Variants in GTF2E2 observed in about 807,000 individuals in gnomAD.
GTF2E2 encodes the protein transcription initiation factor IIE subunit beta.
A neutral mutation model predicts 40.5 loss-of-function variants in GTF2E2; 21 were observed. That is an observed-to-expected ratio of 0.52 (90% CI 0.37 to 0.75). GTF2E2 has a LOEUF of 0.75. Ranked by LOEUF, GTF2E2 falls within the 30% of genes least tolerant of loss-of-function variation. GTF2E2 has a pLI of 0.00. For missense variants in GTF2E2, 298 were observed against 338.4 expected (o/e 0.88, Z 0.94); for synonymous variants, 117 against 121.6 (o/e 0.96, Z 0.25).
chr8:30,612,450 A>G lies in GTF2E2; in HGVS notation c.398T>C (p.Ile133Thr), dbSNP rs2229299. ...ALVNNPKIEV[I>T]DGKYAFKPKY... ...GGGCTTGAAAGCATACTTCCCATCTATTACTTCAATTTTGGGATTGTTGAC... is the reference window on the plus strand; with the variant it reads ...GGGCTTGAAAGCATACTTCCCATCTGTTACTTCAATTTTGGGATTGTTGAC... Residue 133 changes from isoleucine (I) to threonine (T), a missense_variant, in exon 5 of 8, where the codon ATA (isoleucine) becomes ACA (threonine). Physicochemically the swap from Ile to Thr is moderately conservative, Grantham distance 89 (BLOSUM62 -1). Transcript: ENST00000355904. 3,183 of 1,611,480 alleles carry G rather than the reference A, an allele frequency of 2.0e-3. 9 individuals carry two copies. Among genetic ancestry groups the G allele is most frequent in the Non-Finnish European group, 2.4e-3 (2,781 of 1,178,356 alleles).
chr8:30,592,212 T>C (rs896248407), intron 6 of GTF2E2, among the ~76,000 whole-genome samples: 1 of 151,952 alleles, frequency 6.6e-6, no homozygotes, highest in Non-Finnish European at 1.5e-5. Flanking sequence ...ATCCCATCTC[T>C]ACAAAAAAAT....
At chr8:30,614,923 AT>A (rs1800871295) in intron 3 of GTF2E2, among the ~76,000 whole-genome samples, 2 of 151,868 alleles carry the variant, frequency 1.3e-5, no homozygotes, top group Non-Finnish European at 2.9e-5. Flanking sequence ...TGACAAAAAA[AT>A]ATATGCAACT....
chr8:30,612,459 AT>A lies in GTF2E2; in HGVS notation c.388del (p.Ile130LeufsTer3). On this transcript the variant is annotated frameshift_variant, in exon 5 of 8. Coordinates refer to ENST00000355904, the MANE Select transcript of GTF2E2 (RefSeq NM_002095.6). LOFTEE classifies it high-confidence loss of function. ...AGCATACTTCCCATCTATTACTTCA[AT>A]TTTGGGATTGTTGACTAAAGCCTGT... Reference protein sequence around the residue: ...MTEALVNNPKIEVIDGKYAFK... With the variant: ...MTEALVNNPKXEVIDGKYAFK... 1 of 1,610,366 alleles carries A rather than the reference AT, an allele frequency of 6.2e-7. No homozygotes were observed. Among genetic ancestry groups the A allele is most frequent in the Non-Finnish European group, 8.5e-7 (1 of 1,177,564 alleles).
chr8:30,586,882 T>G (rs1455084999), intron 6 of GTF2E2, among the ~76,000 whole-genome samples: 1 of 152,122 alleles, frequency 6.6e-6, no homozygotes, highest in Non-Finnish European at 1.5e-5. Flanking sequence ...GACTTAAACA[T>G]AAGACCTGAA....
chr8:30,605,736 C>T (rs940413009), intron 6 of GTF2E2, among the ~76,000 whole-genome samples: 1 of 152,052 alleles, frequency 6.6e-6, no homozygotes, highest in South Asian at 2.1e-4. Context: ...AATCAGCTCA[C>T]CGTAACCTCT....
chr8:30,639,204 T>C (rs993497861), intron 2 of GTF2E2, among the ~76,000 whole-genome samples: 1 of 152,244 alleles, frequency 6.6e-6, no homozygotes, highest in African/African-American at 2.4e-5. Flanking sequence ...ACAATTTTAA[T>C]TTTTATATAA....
chr8:30,636,911 A>G (rs544005030), intron 2 of GTF2E2: 46 of 418,470 alleles, frequency 1.1e-4, no homozygotes, highest in Non-Finnish European at 1.5e-4. Flanking sequence ...CACTGTTTCA[A>G]TTATGAAATA....
At chr8:30,657,703 A>T (rs1265771191) in intron 1 of GTF2E2, 4 of 152,192 alleles carry the variant, frequency 2.6e-5, no homozygotes, top group African/African-American at 9.7e-5. Context: ...CGCGCCCGTG[A>T]ACTTGGAGGC....
chr8:30,625,682 T>TCCA (rs2151139734), intron 3 of GTF2E2, among the ~76,000 whole-genome samples: 1 of 152,260 alleles, frequency 6.6e-6, no homozygotes, highest in East Asian at 1.9e-4. Flanking sequence ...CACTGCAACC[T>TCCA]CCACCTCCAG....
chr8:30,630,644 C>T (rs28668516), intron 3 of GTF2E2, among the ~76,000 whole-genome samples: 5,895 of 152,132 alleles, frequency 0.039, 394 homozygotes, highest in African/African-American at 0.13. Context: ...AATCTCACCT[C>T]CATTCAGAAT....
chr8:30,645,381 T>G, intron 2 of GTF2E2: 1 of 1,535,730 alleles, frequency 6.5e-7, no homozygotes, highest in Non-Finnish European at 8.7e-7. Flanking sequence ...TTCAAAAAAT[T>G]TACCCTTTCC....
intron 6 of GTF2E2, among the ~76,000 whole-genome samples, chr8:30,592,938 C>A (rs751638923): frequency 6.6e-6 from 1 of 152,170 alleles, no homozygotes; most frequent in African/African-American, 2.4e-5. Context: ...CAGTGGCTCA[C>A]GCATGTAATC....
chr8:30,613,753 C>T (rs1316203068), intron 4 of GTF2E2, among the ~76,000 whole-genome samples: 1 of 152,162 alleles, frequency 6.6e-6, no homozygotes, highest in Non-Finnish European at 1.5e-5. Context: ...AGGAATTTTA[C>T]ATTTGGTTTC....
intron 2 of GTF2E2, among the ~76,000 whole-genome samples, chr8:30,644,922 TG>T (rs1368057261): frequency 6.6e-6 from 1 of 152,050 alleles, no homozygotes; most frequent in African/African-American, 2.4e-5. Context: ...GGCTAATTTT[TG>T]TATGTTTTGT....
At chr8:30,633,547 G>C (rs1801500837) in intron 3 of GTF2E2, among the ~76,000 whole-genome samples, 1 of 152,200 alleles carries the variant, frequency 6.6e-6, no homozygotes, top group Non-Finnish European at 1.5e-5. Context: ...GGGGTACACA[G>C]TTTTTCAAAC....
intron 6 of GTF2E2, among the ~76,000 whole-genome samples, chr8:30,605,639 G>C (rs1389829747): frequency 7.2e-6 from 1 of 138,592 alleles, no homozygotes; most frequent in Non-Finnish European, 1.6e-5. Context: ...TTTTTTTTTT[G>C]AGCTCAGAAA....
intron 6 of GTF2E2, among the ~76,000 whole-genome samples, chr8:30,595,699 G>A (rs1306822373): frequency 6.6e-6 from 1 of 152,110 alleles, no homozygotes; most frequent in African/African-American, 2.4e-5. Context: ...AGATGTAGTG[G>A]CATGTACCTG....
At chr8:30,605,405 T>C (rs953943558) in intron 6 of GTF2E2, among the ~76,000 whole-genome samples, 2 of 151,990 alleles carry the variant, frequency 1.3e-5, no homozygotes, top group African/African-American at 4.8e-5. Flanking sequence ...TATTAGCAAT[T>C]GGGAAAAAAC....
chr8:30,580,480 C>A, intron 6 of GTF2E2, 84 bp from the exon 7 acceptor site: 3 of 785,720 alleles, frequency 3.8e-6, no homozygotes, highest in Admixed American at 3.8e-5. Context: ...TCAGTGTTAT[C>A]TCCTCTGGAT....
Sources: gnomAD v4.1 joint callset for allele counts (sites outside exome capture counted in the v4.1 genomes callset) on GRCh38, gnomAD v4.1.1 for gene constraint, MANE v1.5 for transcripts, NCBI Gene and HGNC (gene_info 2026-07-23, HGNC 2026-07-21) for gene names.